Variants in PRICKLE1 observed in about 807,000 individuals in gnomAD.
The protein encoded by PRICKLE1 is prickle-like protein 1.
A neutral mutation model predicts 70.2 loss-of-function variants in PRICKLE1; 14 were observed. That is an observed-to-expected ratio of 0.20 (90% CI 0.13 to 0.31). PRICKLE1 has a LOEUF of 0.31. PRICKLE1 is among the 10% of genes least tolerant of loss of function. The pLI, the probability that PRICKLE1 is intolerant of heterozygous loss-of-function variation, is 1.00. For missense variants in PRICKLE1, 821 were observed against 1,026.2 expected (o/e 0.80, Z 2.73); for synonymous variants, 357 against 379.9 (o/e 0.94, Z 0.70).
In PRICKLE1 at chr12:42,468,961, T is replaced by C. The variant is rs968177754; in HGVS notation, c.385-132A>G. The C allele has an allele frequency of 1.3e-5, 11 of 839,212 alleles. No individual in the cohort carries two copies. In the African/African-American group the frequency reaches 1.8e-4, roughly 14 times the overall value. The allele number at this position is 839,212 out of a possible 1,614,324, so 52.0% of individuals were successfully genotyped here. A position where few individuals can be genotyped will look rare whatever the true frequency, so the allele number is the denominator to read the frequency against. On this transcript the variant is annotated intron_variant, in intron 4 of 7. Transcript: ENST00000345127. The stretch of plus-strand genomic sequence containing the variant: ...TTTGCTACCTCTTTTAGTGATTAAA[T>C]AGCTCTTTAATGCTGGATTACTGGT...
In PRICKLE1 at chr12:42,460,160, A is replaced by C; in HGVS notation, c.2145T>G (p.Asn715Lys). The change falls in exon 8 of 8, where the codon AAT (asparagine) becomes AAG (lysine). Residue 715 changes from asparagine to lysine, a missense_variant. Coordinates refer to ENST00000345127, the MANE Select transcript of PRICKLE1 (RefSeq NM_153026.3). ...TPDNYEKFIQ[N>K]KSAREIQAYI... The stretch of plus-strand genomic sequence containing the variant: ...ATGCTTGGATCTCCCGGGCACTTTT[A>C]TTCTGTATAAATTTCTCATAGTTAT... 6.2e-7 allele frequency: 1 copy of C among 1,613,926 alleles called. No individual in the cohort carries two copies. The highest frequency in any genetic ancestry group is 8.5e-7 in the Non-Finnish European group (1 of 1,180,006).
chr12:42,470,446 T>A (rs1314029062), intron 2 of PRICKLE1, 87 bp from the exon 3 acceptor site: 15 of 952,022 alleles, frequency 1.6e-5, no homozygotes, highest in Non-Finnish European at 2.4e-5. Context: ...TTTCCCTAGG[T>A]ACAGGGTTTG....
In PRICKLE1 at chr12:42,459,398, C is replaced by T. The variant is rs1006659962; in HGVS notation, c.*411G>A. Reference sequence around the variant, plus strand: ...GTGACAGGCATGCCTCACACCAAGACGGACTATCAAGACCTGAGCCGACCT... The same window carrying T: ...GTGACAGGCATGCCTCACACCAAGATGGACTATCAAGACCTGAGCCGACCT... On this transcript the variant is annotated 3_prime_UTR_variant, in exon 8 of 8. Transcript: ENST00000345127. The T allele has an allele frequency of 2.3e-5, 16 of 701,216 alleles. No individual in the cohort carries two copies. Among genetic ancestry groups the T allele is most frequent in the South Asian group, 1.2e-4 (8 of 67,106 alleles). The allele number at this position is 701,216 out of a possible 1,614,324, so 43.4% of individuals were successfully genotyped here. A position where few individuals can be genotyped will look rare whatever the true frequency, so the allele number is the denominator to read the frequency against.
At chr12:42,559,178 T>C (rs1252168848) in intron 1 of PRICKLE1, among the ~76,000 whole-genome samples, 4 of 152,216 alleles carry the variant, frequency 2.6e-5, no homozygotes, top group African/African-American at 9.6e-5. Flanking sequence ...CCTACTATCA[T>C]ATCTCATTTC....
intron 1 of PRICKLE1, among the ~76,000 whole-genome samples, chr12:42,507,546 T>A (rs1414767223): frequency 1.3e-5 from 2 of 152,240 alleles, no homozygotes; most frequent in African/African-American, 4.8e-5. Flanking sequence ...ACCAGTTCTA[T>A]AGCTTTTCAC....
chr12:42,499,238 T>C (rs1939262038), intron 1 of PRICKLE1, among the ~76,000 whole-genome samples: 1 of 152,134 alleles, frequency 6.6e-6, no homozygotes, highest in Non-Finnish European at 1.5e-5. Flanking sequence ...GTAAGATAAA[T>C]TGTATAAAGT....
chr12:42,460,282 G>A lies in PRICKLE1; in HGVS notation c.2023C>T (p.Arg675Cys). 14 of 1,614,130 alleles carry A rather than the reference G, an allele frequency of 8.7e-6. No homozygotes were observed. Among genetic ancestry groups the A allele is most frequent in the East Asian group, 2.2e-5 (1 of 44,880 alleles). ...ERGSRSHHHR[R>C]RRSRKSRSDN... ...GAGCGGGACTTTCTACTTCTCCGGCGGCGGTGGTGATGAGACCTGGATCCC... is the reference window on the plus strand; with the variant it reads ...GAGCGGGACTTTCTACTTCTCCGGCAGCGGTGGTGATGAGACCTGGATCCC... The change falls in exon 8 of 8, where the codon CGC (arginine) becomes TGC (cysteine). Residue 675 changes from arginine (R) to cysteine (C), a missense_variant. Coordinates refer to ENST00000345127, the MANE Select transcript of PRICKLE1 (RefSeq NM_153026.3).
chr12:42,576,707 A>C (rs1037837967), intron 1 of PRICKLE1, among the ~76,000 whole-genome samples: 3 of 152,230 alleles, frequency 2.0e-5, no homozygotes, highest in African/African-American at 7.2e-5. Context: ...TGAACAATTC[A>C]AAAACTTAAT....
chr12:42,557,724 T>C (rs1566125654), intron 1 of PRICKLE1, among the ~76,000 whole-genome samples: 1 of 152,242 alleles, frequency 6.6e-6, no homozygotes, highest in Non-Finnish European at 1.5e-5. Context: ...GGGAGTCATC[T>C]TGTTTTTATA....
At position 42,489,202 on chromosome 12, in the gene PRICKLE1, C is replaced by T. The variant is rs191294929; in HGVS notation, c.-48-16638G>A. 3.5e-3 allele frequency among the ~76,000 whole-genome samples: 523 copies of T among 151,252 alleles called. 3 individuals are homozygous for T. Among genetic ancestry groups the T allele is most frequent in the African/African-American group, 0.012 (496 of 41,296 alleles). The stretch of plus-strand genomic sequence containing the variant: ...CCTCCCAAAGTGTTGGGATTACAGG[C>T]ATGAGCCACCACGCCTGGCTGTATC... On this transcript the variant is annotated intron_variant, in intron 1 of 7. Coordinates refer to ENST00000345127, the MANE Select transcript of PRICKLE1 (RefSeq NM_153026.3).
intron 5 of PRICKLE1, among the ~76,000 whole-genome samples, chr12:42,467,724 C>A (rs575860005): frequency 1.4e-4 from 21 of 152,038 alleles, no homozygotes; most frequent in African/African-American, 4.8e-4. Context: ...CCAGCCTGGG[C>A]AACAGAGAGC....
intron 1 of PRICKLE1, among the ~76,000 whole-genome samples, chr12:42,549,441 C>A (rs1352496699): frequency 6.6e-6 from 1 of 152,170 alleles, no homozygotes; most frequent in Non-Finnish European, 1.5e-5. Flanking sequence ...GCAGAGTTCT[C>A]AGGTTAGGGT....
intron 1 of PRICKLE1, among the ~76,000 whole-genome samples, chr12:42,570,199 ACT>A (rs552600048): frequency 1.7e-3 from 254 of 152,344 alleles, no homozygotes; most frequent in Non-Finnish European, 2.7e-3. Flanking sequence ...TTCACTGTGC[ACT>A]GTTAAACAAT....
At chr12:42,556,854 C>T (rs1940420665) in intron 1 of PRICKLE1, among the ~76,000 whole-genome samples, 1 of 152,104 alleles carries the variant, frequency 6.6e-6, no homozygotes, top group Non-Finnish European at 1.5e-5. Flanking sequence ...ATGCTTTGCT[C>T]AACAATTATT....
intron 1 of PRICKLE1, among the ~76,000 whole-genome samples, chr12:42,578,398 T>A (rs942623209): frequency 1.9e-4 from 29 of 152,132 alleles, no homozygotes; most frequent in African/African-American, 6.8e-4. Context: ...TTTTTAAGGT[T>A]ACAGAGTGGC....
chr12:42,469,390 G>A (rs1043975775), intron 4 of PRICKLE1, 60 bp downstream of exon 4: 9 of 1,606,368 alleles, frequency 5.6e-6, no homozygotes, highest in East Asian at 2.2e-5. Context: ...ACCTACCCCC[G>A]ACTGTCCACC....
chr12:42,523,014 T>C (rs1353712157), intron 1 of PRICKLE1, among the ~76,000 whole-genome samples: 1 of 150,858 alleles, frequency 6.6e-6, no homozygotes, highest in Non-Finnish European at 1.5e-5. Context: ...CAGGCTGGAG[T>C]GCAGTGGCAC....
intron 1 of PRICKLE1, among the ~76,000 whole-genome samples, chr12:42,508,220 T>C (rs561159798): frequency 6.6e-6 from 1 of 152,280 alleles, no homozygotes; most frequent in South Asian, 2.1e-4. Context: ...CTAAGTATTT[T>C]TTATAAAGGA....
intron 1 of PRICKLE1, among the ~76,000 whole-genome samples, chr12:42,581,346 A>C (rs2120797403): frequency 6.6e-6 from 1 of 152,098 alleles, no homozygotes; most frequent in East Asian, 1.9e-4. Flanking sequence ...GTTAAAAAAA[A>C]ACTGGCTTTT....
Sources: allele counts gnomAD v4.1 joint callset (sites outside exome capture counted in the v4.1 genomes callset), GRCh38; gene constraint gnomAD v4.1.1; transcripts MANE v1.5; gene names NCBI Gene and HGNC (gene_info 2026-07-23, HGNC 2026-07-21).